Variants in ATP8A2 observed in about 807,000 individuals in gnomAD.
The protein encoded by ATP8A2 is phospholipid-transporting ATPase IB.
Under a neutral mutation model 165.6 loss-of-function variants are expected in ATP8A2, and 100 were observed. The observed-to-expected ratio is 0.60, with a 90% confidence interval of 0.51 to 0.71. ATP8A2 has a LOEUF of 0.71. ATP8A2 is among the 30% of genes least tolerant of loss of function. The probability of loss-of-function intolerance (pLI) is 0.00; values close to 1 mark genes in which losing one functional copy is unlikely to be tolerated. For missense variants in ATP8A2, 1,227 were observed against 1,479.5 expected (o/e 0.83, Z 2.80); for synonymous variants, 543 against 548.8 (o/e 0.99, Z 0.15).
intron 35 of ATP8A2, among the ~76,000 whole-genome samples, chr13:25,977,506 A>G (rs1370172946): frequency 6.6e-6 from 1 of 152,172 alleles, no homozygotes; most frequent in African/African-American, 2.4e-5. Context: ...GAAGGAGAGG[A>G]GGAGGAAAAT....
intron 2 of ATP8A2, among the ~76,000 whole-genome samples, chr13:25,525,916 C>T (rs934876316): frequency 1.3e-5 from 2 of 152,020 alleles, no homozygotes; most frequent in Non-Finnish European, 2.9e-5. Context: ...TTGTTTAACT[C>T]CCTCTTGAAC....
At chr13:25,418,302 G>A (rs548764116) in intron 1 of ATP8A2, among the ~76,000 whole-genome samples, 3 of 152,256 alleles carry the variant, frequency 2.0e-5, no homozygotes, top group African/African-American at 7.2e-5. Context: ...ATCAGCTGAC[G>A]TTTTCTTGCA....
intron 35 of ATP8A2, among the ~76,000 whole-genome samples, chr13:25,973,369 C>T (rs1053632590): frequency 1.3e-5 from 2 of 152,170 alleles, no homozygotes; most frequent in Non-Finnish European, 2.9e-5. Flanking sequence ...TCTTGCTCTG[C>T]GGCTTCCATT....
rs749816373 is a variant in ATP8A2 at position 25,837,145 on chromosome 13, T to A, written c.2755-18T>A. Reference sequence around the variant, plus strand: ...GATCCGAAGGGCTGCTTTTAATGGCTCATTGTTCTCCCTGCAGATTTTCAC... The same window carrying A: ...GATCCGAAGGGCTGCTTTTAATGGCACATTGTTCTCCCTGCAGATTTTCAC... On this transcript the variant is annotated intron_variant, in intron 28 of 36. Transcript: ENST00000381655. 6.2e-7 allele frequency: 1 copy of A among 1,608,654 alleles called. No individual in the cohort carries two copies. Among genetic ancestry groups the A allele is most frequent in the East Asian group, 2.2e-5 (1 of 44,642 alleles).
At chr13:25,821,954 GA>G (rs918719806) in intron 27 of ATP8A2, among the ~76,000 whole-genome samples, 2 of 152,096 alleles carry the variant, frequency 1.3e-5, no homozygotes, top group African/African-American at 4.8e-5. Flanking sequence ...CTTTCCCCCA[GA>G]GAACACTTCT....
intron 30 of ATP8A2, among the ~76,000 whole-genome samples, chr13:25,848,815 T>C (rs539190501): frequency 6.6e-6 from 1 of 152,326 alleles, no homozygotes; most frequent in East Asian, 1.9e-4. Flanking sequence ...GAATTCATAG[T>C]GTCGGAGGCA....
At chr13:25,744,480 G>A (rs552031528) in intron 25 of ATP8A2, among the ~76,000 whole-genome samples, 17 of 152,014 alleles carry the variant, frequency 1.1e-4, no homozygotes, top group Admixed American at 5.9e-4. Context: ...CCTTTCAAAA[G>A]AACTAAAGCG....
intron 24 of ATP8A2, among the ~76,000 whole-genome samples, chr13:25,618,568 C>G (rs1277575226): frequency 6.6e-6 from 1 of 150,732 alleles, no homozygotes; most frequent in Non-Finnish European, 1.5e-5. Flanking sequence ...TCATTAGCAA[C>G]TTTGTCTGTT....
chr13:25,690,160 T>C (rs1432210808), intron 24 of ATP8A2, among the ~76,000 whole-genome samples: 1 of 151,672 alleles, frequency 6.6e-6, no homozygotes, highest in Non-Finnish European at 1.5e-5. Flanking sequence ...ATTTGAGCCC[T>C]GTCACAACTG....
At chr13:25,938,466 A>G (rs1954977998) in intron 33 of ATP8A2, among the ~76,000 whole-genome samples, 1 of 152,260 alleles carries the variant, frequency 6.6e-6, no homozygotes. Flanking sequence ...GTAACTGTAA[A>G]TTAACCCCAT....
At chr13:25,821,772 C>T (rs1039355199) in intron 27 of ATP8A2, among the ~76,000 whole-genome samples, 5 of 152,158 alleles carry the variant, frequency 3.3e-5, no homozygotes, top group Admixed American at 6.5e-5. Context: ...TGTTTAGCAG[C>T]AGCATCTTTG....
At chr13:25,893,930 C>T (rs1953456913) in intron 33 of ATP8A2, among the ~76,000 whole-genome samples, 1 of 151,980 alleles carries the variant, frequency 6.6e-6, no homozygotes, top group African/African-American at 2.4e-5. Context: ...TGTTTGAGTT[C>T]ATTGTAGATT....
At chr13:25,383,060 T>A (rs909430764) in intron 1 of ATP8A2, among the ~76,000 whole-genome samples, 5 of 150,282 alleles carry the variant, frequency 3.3e-5, no homozygotes, top group African/African-American at 1.2e-4. Flanking sequence ...CAGCCTTTTC[T>A]TTTTGAGACA....
In ATP8A2 at chr13:25,838,061, T is replaced by C. The variant is rs374890608; in HGVS notation, c.2877+776T>C. Reference sequence around the variant, plus strand: ...GTGAGCATGGCTGCACGGCCTTGTTTCTGCCTCTGGTCTTTGCGCAGGGGG... The same window carrying C: ...GTGAGCATGGCTGCACGGCCTTGTTCCTGCCTCTGGTCTTTGCGCAGGGGG... On this transcript the variant is annotated intron_variant, in intron 29 of 36. Coordinates refer to ENST00000381655, the MANE Select transcript of ATP8A2 (RefSeq NM_016529.6). 3.3e-5 allele frequency among the ~76,000 whole-genome samples: 5 copies of C among 152,304 alleles called. No homozygotes were observed. In the East Asian group the frequency reaches 5.8e-4, roughly 18 times the overall value.
chr13:25,916,128 G>A (rs181879704), intron 33 of ATP8A2, among the ~76,000 whole-genome samples: 1 of 152,308 alleles, frequency 6.6e-6, no homozygotes, highest in African/African-American at 2.4e-5. Flanking sequence ...TACAGGAAGG[G>A]AAATGGAGAC....
At chr13:25,890,960 G>T (rs1953342121) in intron 33 of ATP8A2, among the ~76,000 whole-genome samples, 1 of 152,114 alleles carries the variant, frequency 6.6e-6, no homozygotes, top group African/African-American at 2.4e-5. Flanking sequence ...TGAAATTGAG[G>T]GTCTGTGATG....
At chr13:25,883,741 C>T (rs1380449974) in intron 33 of ATP8A2, among the ~76,000 whole-genome samples, 2 of 152,184 alleles carry the variant, frequency 1.3e-5, no homozygotes, top group Non-Finnish European at 2.9e-5. Context: ...CCCTATCAGC[C>T]ACTGCAGGTA....
chr13:25,829,738 G>T lies in ATP8A2; in HGVS notation c.2754+1546G>T, dbSNP rs766373483. The stretch of plus-strand genomic sequence containing the variant: ...TATATATATCACCTGCTTATAGTAT[G>T]AGTGGATTTTAGCTTGATTTCTATG... On this transcript the variant is annotated intron_variant, in intron 28 of 36. Coordinates refer to ENST00000381655, the MANE Select transcript of ATP8A2 (RefSeq NM_016529.6). 2.5e-4 allele frequency among the ~76,000 whole-genome samples: 31 copies of T among 124,070 alleles called. 1 individual carries two copies. The highest frequency in any genetic ancestry group is 1.5e-4 in the Non-Finnish European group (9 of 60,686). 81.4% of individuals were successfully genotyped at this position (124,070 alleles called of 152,430 possible).
chr13:25,628,086 C>T (rs2041148222), intron 24 of ATP8A2, among the ~76,000 whole-genome samples: 1 of 152,186 alleles, frequency 6.6e-6, no homozygotes, highest in Non-Finnish European at 1.5e-5. Context: ...TCCCACTTTA[C>T]TGTTTAATGG....
Sources: allele counts gnomAD v4.1 joint callset (sites outside exome capture counted in the v4.1 genomes callset), GRCh38; gene constraint gnomAD v4.1.1; transcripts MANE v1.5; gene names NCBI Gene and HGNC (gene_info 2026-07-23, HGNC 2026-07-21).